Variants in EYS observed in about 807,000 individuals in gnomAD.
EYS encodes EGF-like photoreceptor maintenance factor.
A neutral mutation model predicts 282.1 loss-of-function variants in EYS; 250 were observed. The ratio of observed to expected loss-of-function variants is 0.89; its 90% CI spans 0.80 to 0.98. The LOEUF (loss-of-function observed/expected upper bound fraction) is 0.98. Ranked by LOEUF, EYS falls within the 50% of genes least tolerant of loss-of-function variation. The probability of loss-of-function intolerance (pLI) is 0.00; values close to 1 mark genes in which losing one functional copy is unlikely to be tolerated. For missense variants in EYS, 4,016 were observed against 3,709.0 expected (o/e 1.08, Z -2.15); for synonymous variants, 1,355 against 1,282.9 (o/e 1.06, Z -1.20).
chr6:64,639,663 T>C lies in EYS; in HGVS notation c.3444-13418A>G, dbSNP rs1234634902. Among the ~76,000 whole-genome samples, 19 of 90,724 alleles carry C rather than the reference T, an allele frequency of 2.1e-4. 5 individuals carry two copies. Among genetic ancestry groups the C allele is most frequent in the Non-Finnish European group, 4.5e-4 (19 of 42,144 alleles). 59.5% of individuals were successfully genotyped at this position (90,724 alleles called of 152,430 possible). A position where few individuals can be genotyped will look rare whatever the true frequency, so the allele number is the denominator to read the frequency against. ...TCAGGACATAGGCATGGGCAAGGAC[T>C]TCATGTCTAAAACACCAAAAGCAAT... On this transcript the variant is annotated intron_variant, in intron 22 of 42. Coordinates refer to ENST00000503581, the MANE Select transcript of EYS (RefSeq NM_001142800.2).
intron 8 of EYS, among the ~76,000 whole-genome samples, chr6:65,363,155 A>C (rs1764779784): frequency 6.6e-6 from 1 of 151,968 alleles, no homozygotes; most frequent in Non-Finnish European, 1.5e-5. Context: ...CTACAAAAGA[A>C]GATAAATGAT....
intron 5 of EYS, among the ~76,000 whole-genome samples, chr6:65,472,399 T>C (rs923772164): frequency 6.6e-6 from 1 of 151,648 alleles, no homozygotes. Context: ...ATATTTTCAA[T>C]ATCTACACTA....
At chr6:64,726,884 A>C (rs1771775255) in intron 22 of EYS, among the ~76,000 whole-genome samples, 1 of 152,200 alleles carries the variant, frequency 6.6e-6, no homozygotes. Context: ...TTACAAATGA[A>C]ACATTTCATA....
At chr6:65,268,875 A>G (rs527611903) in intron 12 of EYS, among the ~76,000 whole-genome samples, 2 of 152,152 alleles carry the variant, frequency 1.3e-5, no homozygotes, top group East Asian at 3.9e-4. Flanking sequence ...TATCCTACTA[A>G]TGGTTAGCTT....
chr6:65,041,586 C>T (rs1318063853), intron 13 of EYS, among the ~76,000 whole-genome samples: 1 of 151,622 alleles, frequency 6.6e-6, no homozygotes, highest in Non-Finnish European at 1.5e-5. Context: ...TTTTCCAACA[C>T]AGTACTCCTG....
At chr6:65,042,388 C>T (rs1772964696) in intron 13 of EYS, among the ~76,000 whole-genome samples, 1 of 151,048 alleles carries the variant, frequency 6.6e-6, no homozygotes, top group Admixed American at 6.6e-5. Context: ...TTTATGTTTA[C>T]CATTTGCTTT....
At chr6:65,477,874 G>A (rs1765467442) in intron 5 of EYS, among the ~76,000 whole-genome samples, 1 of 152,154 alleles carries the variant, frequency 6.6e-6, no homozygotes, top group Non-Finnish European at 1.5e-5. Context: ...ATGGCCATAA[G>A]AATGTCAGTA....
chr6:64,331,761 G>T (rs993063492), intron 29 of EYS, among the ~76,000 whole-genome samples: 1 of 152,222 alleles, frequency 6.6e-6, no homozygotes, highest in Non-Finnish European at 1.5e-5. Flanking sequence ...CATGGCAGGG[G>T]CCAACATGGC....
intron 29 of EYS, among the ~76,000 whole-genome samples, chr6:64,354,488 T>TA (rs960792852): frequency 2.0e-5 from 3 of 151,504 alleles, no homozygotes; most frequent in Non-Finnish European, 3.0e-5. Flanking sequence ...TCCTCATCCA[T>TA]AAAAAAAGAA....
At chr6:64,726,469 TGACTTAGTAGC>T (rs1387241429) in intron 22 of EYS, among the ~76,000 whole-genome samples, 2 of 152,134 alleles carry the variant, frequency 1.3e-5, no homozygotes, top group Non-Finnish European at 2.9e-5. Flanking sequence ...ATATGGCTCA[TGACTTAGTAGC>T]TAACTATAGA....
At chr6:63,876,470 T>C (rs1336829315) in intron 35 of EYS, among the ~76,000 whole-genome samples, 3 of 152,250 alleles carry the variant, frequency 2.0e-5, no homozygotes, top group Non-Finnish European at 4.4e-5. Flanking sequence ...TTGAGAGTTC[T>C]GTAAATGTCT....
At chr6:63,755,262 G>T (rs1261082133) in intron 41 of EYS, among the ~76,000 whole-genome samples, 1 of 151,882 alleles carries the variant, frequency 6.6e-6, no homozygotes, top group Non-Finnish European at 1.5e-5. Context: ...TGAAGTCTTT[G>T]CCCATGCCTA....
At chr6:65,568,880 A>G (rs1347472660) in intron 2 of EYS, among the ~76,000 whole-genome samples, 1 of 152,214 alleles carries the variant, frequency 6.6e-6, no homozygotes, top group African/African-American at 2.4e-5. Flanking sequence ...TGAGAATATT[A>G]TGACAGTGAA....
At position 63,935,372 on chromosome 6, in the gene EYS, G is replaced by A. The variant is rs577377391; in HGVS notation, c.7055+49011C>T. On this transcript the variant is annotated intron_variant, in intron 35 of 42. Coordinates refer to ENST00000503581, the MANE Select transcript of EYS (RefSeq NM_001142800.2). The stretch of plus-strand genomic sequence containing the variant: ...AGACAGCACTTATCTGTTATGAGCT[G>A]AATTGTTTTTTCCCCAAAATTCATA... Among the ~76,000 whole-genome samples, 180 of 152,328 alleles carry A rather than the reference G, an allele frequency of 1.2e-3. 2 individuals are homozygous for A. Among genetic ancestry groups the A allele is most frequent in the African/African-American group, 4.2e-3 (174 of 41,576 alleles).
At chr6:64,536,671 A>T (rs959793596) in intron 26 of EYS, among the ~76,000 whole-genome samples, 3 of 152,122 alleles carry the variant, frequency 2.0e-5, no homozygotes, top group Non-Finnish European at 1.5e-5. Flanking sequence ...GGAACCATTC[A>T]TATAGTTATA....
At chr6:64,262,269 G>T (rs965178432) in intron 30 of EYS, among the ~76,000 whole-genome samples, 2 of 151,692 alleles carry the variant, frequency 1.3e-5, no homozygotes, top group Admixed American at 1.3e-4. Flanking sequence ...AATTTCATTT[G>T]CTAGTTTTGG....
At chr6:64,783,089 C>A (rs957840714) in intron 22 of EYS, among the ~76,000 whole-genome samples, 1 of 152,104 alleles carries the variant, frequency 6.6e-6, no homozygotes, top group Non-Finnish European at 1.5e-5. Flanking sequence ...GTATCCACAC[C>A]GTAGGCACTA....
intron 31 of EYS, among the ~76,000 whole-genome samples, chr6:64,185,831 T>A (rs1764921512): frequency 6.6e-6 from 1 of 152,186 alleles, no homozygotes; most frequent in Admixed American, 6.6e-5. Context: ...CCAGATGTGC[T>A]ATTCACTTAA....
At chr6:64,099,929 T>C (rs892159508) in intron 31 of EYS, among the ~76,000 whole-genome samples, 3 of 152,338 alleles carry the variant, frequency 2.0e-5, no homozygotes, top group Non-Finnish European at 4.4e-5. Flanking sequence ...ATATAGATAA[T>C]CTTTTCCTTT....
Sources: allele counts gnomAD v4.1 joint callset (sites outside exome capture counted in the v4.1 genomes callset), GRCh38; gene constraint gnomAD v4.1.1; transcripts MANE v1.5; gene names NCBI Gene and HGNC (gene_info 2026-07-23, HGNC 2026-07-21).